FRYL: variants seen among roughly 807,000 people sequenced by gnomAD.
FRYL encodes the protein protein furry homolog-like.
A neutral mutation model predicts 351.2 loss-of-function variants in FRYL; 150 were observed. That is an observed-to-expected ratio of 0.43 (90% CI 0.37 to 0.49). The LOEUF is 0.49. FRYL is among the 20% of genes least tolerant of loss of function. The pLI, the probability that FRYL is intolerant of heterozygous loss-of-function variation, is 0.00. For missense variants in FRYL, 3,036 were observed against 3,619.3 expected, an observed-to-expected ratio of 0.84 and a Z score of 4.13; for synonymous variants, 1,153 against 1,257.1, an observed-to-expected ratio of 0.92 and a Z score of 1.75.
chr4:48,515,585 G>A (rs1042185042), intron 55 of FRYL, among the ~76,000 whole-genome samples: 6 of 152,050 alleles, frequency 3.9e-5, no homozygotes, highest in Non-Finnish European at 8.8e-5. Context: ...TGTTAGCCAG[G>A]ATGGTCTCGA....
intron 3 of FRYL, among the ~76,000 whole-genome samples, chr4:48,639,315 T>C (rs1310006078): frequency 6.6e-6 from 1 of 151,934 alleles, no homozygotes; most frequent in East Asian, 1.9e-4. Context: ...ATCAAGACAG[T>C]ATGGTACTGA....
chr4:48,698,599 ATAATAAGCAGTT>A (rs1295153676), intron 2 of FRYL, among the ~76,000 whole-genome samples: 2 of 152,258 alleles, frequency 1.3e-5, no homozygotes, highest in African/African-American at 4.8e-5. Context: ...TGTATAAAGC[ATAATAAGCAGTT>A]TATTCAGATC....
chr4:48,703,731 A>G (rs1767011046), intron 2 of FRYL, among the ~76,000 whole-genome samples: 1 of 152,130 alleles, frequency 6.6e-6, no homozygotes, highest in Non-Finnish European at 1.5e-5. Flanking sequence ...ATTCTTAACC[A>G]CATATTTAGA....
In FRYL at chr4:48,616,496, A is replaced by T. The variant is rs181104218; in HGVS notation, c.411+2778T>A. 1.6e-3 allele frequency among the ~76,000 whole-genome samples: 237 copies of T among 152,294 alleles called. 1 individual carries two copies. The highest frequency in any genetic ancestry group is 5.5e-3 in the African/African-American group (229 of 41,572). On this transcript the variant is annotated intron_variant, in intron 7 of 63. Transcript: ENST00000358350. ...CACACATTTTTATAGAGGAAGGAAG[A>T]GTCAGGGATAATAACTTGCCCAAAG...
intron 3 of FRYL, among the ~76,000 whole-genome samples, chr4:48,676,540 C>G (rs1763712992): frequency 1.3e-5 from 2 of 151,554 alleles, no homozygotes; most frequent in South Asian, 4.2e-4. Flanking sequence ...CGCCACCAGG[C>G]CCGGCTATTT....
intron 13 of FRYL, among the ~76,000 whole-genome samples, chr4:48,597,672 A>T (rs1388508614): frequency 1.3e-5 from 2 of 152,202 alleles, no homozygotes; most frequent in Non-Finnish European, 2.9e-5. Context: ...AAATATTATT[A>T]AAAATTATAC....
intron 57 of FRYL, among the ~76,000 whole-genome samples, chr4:48,511,284 G>C (rs1027256737): frequency 6.6e-6 from 1 of 152,098 alleles, no homozygotes; most frequent in Non-Finnish European, 1.5e-5. Flanking sequence ...TACATTCTTA[G>C]CAATGAAAGT....
rs556011865 is a variant in FRYL at position 48,762,643 on chromosome 4, G to C, written c.-384+17435C>G. Among the ~76,000 whole-genome samples the C allele has an allele frequency of 2.0e-5, 3 of 152,224 alleles. No individual in the cohort carries two copies. In the South Asian group the frequency reaches 6.2e-4, roughly 32 times the overall value. On this transcript the variant is annotated intron_variant, in intron 1 of 63. Transcript: ENST00000358350. ...TTTCTTGTGTGCTGGGCCCTGCTCT[G>C]AGAATCTGATGAAAACCACAAACCT...
intron 34 of FRYL, 78 bp from the exon 35 acceptor site, chr4:48,557,196 T>C: frequency 3.4e-6 from 5 of 1,491,640 alleles, no homozygotes; most frequent in Non-Finnish European, 4.5e-6. Flanking sequence ...CCATGAAATA[T>C]TAAAAAATGT....
At chr4:48,588,625 T>G (rs964715867) in intron 18 of FRYL, among the ~76,000 whole-genome samples, 5 of 152,138 alleles carry the variant, frequency 3.3e-5, no homozygotes, top group African/African-American at 1.2e-4. Flanking sequence ...GAATTCCCCA[T>G]AGGTAACTGT....
At chr4:48,654,230 AT>A in intron 3 of FRYL, among the ~76,000 whole-genome samples, 1 of 149,446 alleles carries the variant, frequency 6.7e-6, no homozygotes, top group Admixed American at 6.7e-5. Context: ...AGCCTTAGAA[AT>A]TTTTTAAAAA....
At chr4:48,685,742 C>G (rs1765085437) in intron 2 of FRYL, among the ~76,000 whole-genome samples, 2 of 150,960 alleles carry the variant, frequency 1.3e-5, no homozygotes, top group African/African-American at 4.9e-5. Context: ...TTATCAGGCA[C>G]ATTTCATGTT....
intron 7 of FRYL, among the ~76,000 whole-genome samples, chr4:48,610,964 T>C (rs1748053357): frequency 6.6e-6 from 1 of 151,754 alleles, no homozygotes. Context: ...AAACATCTTG[T>C]GCATTTAACA....
intron 2 of FRYL, among the ~76,000 whole-genome samples, chr4:48,699,153 T>C (rs1766488403): frequency 6.6e-6 from 1 of 152,218 alleles, no homozygotes; most frequent in African/African-American, 2.4e-5. Flanking sequence ...TAAGCTGTTA[T>C]ATGGAGTTGA....
intron 16 of FRYL, among the ~76,000 whole-genome samples, chr4:48,591,978 C>A (rs1400581304): frequency 7.4e-6 from 1 of 134,888 alleles, no homozygotes; most frequent in Non-Finnish European, 1.6e-5. Context: ...CAAGCCCAAG[C>A]TGTCATTATC....
rs1739545979 is a variant in FRYL at position 48,576,141 on chromosome 4, A to T, written c.2610T>A (p.Leu870=). 6.2e-7 allele frequency: 1 copy of T among 1,614,078 alleles called. No individual in the cohort carries two copies. The highest frequency in any genetic ancestry group is 8.5e-7 in the Non-Finnish European group (1 of 1,179,970). Residue 870 remains leucine (L), a synonymous_variant, in exon 24 of 64, where the codon CTT becomes CTA. Coordinates refer to ENST00000358350, the MANE Select transcript of FRYL (RefSeq NM_015030.2). ...YIGLWRNYLI[L]CCSAATSSSS... ...ATGACGATGTTGCTGCACTGCAGCA[A>T]AGGATCAGATAGTTTCTCCACAGGC...
chr4:48,499,939 A>G, intron 63 of FRYL, 91 bp downstream of exon 63: 1 of 961,204 alleles, frequency 1.0e-6, no homozygotes, highest in East Asian at 2.5e-5. Flanking sequence ...AAGACATGAT[A>G]TGGAAACAGC....
intron 6 of FRYL, among the ~76,000 whole-genome samples, chr4:48,619,648 G>A (rs548978292): frequency 6.6e-6 from 1 of 152,150 alleles, no homozygotes; most frequent in Non-Finnish European, 1.5e-5. Flanking sequence ...TAGACTACAG[G>A]CAAGCGCCAC....
At chr4:48,553,456 T>C (rs1470385773) in intron 35 of FRYL, 73 bp from the exon 36 acceptor site, 6 of 1,059,384 alleles carry the variant, frequency 5.7e-6, no homozygotes, top group Non-Finnish European at 8.5e-6. Context: ...GAGACAAACT[T>C]TATCAGAGTA....
Sources: allele counts gnomAD v4.1 joint callset (sites outside exome capture counted in the v4.1 genomes callset), GRCh38; gene constraint gnomAD v4.1.1; transcripts MANE v1.5; gene names NCBI Gene and HGNC (gene_info 2026-07-23, HGNC 2026-07-21).